The following DMD variants were observed in gnomAD, a reference collection of about 807,000 sequenced individuals.
DMD encodes the protein dystrophin.
Under a neutral mutation model 330.1 loss-of-function variants are expected in DMD, and 63 were observed. That is an observed-to-expected ratio of 0.19 (90% CI 0.16 to 0.24). The LOEUF is 0.24. DMD is among the 10% of genes least tolerant of loss of function. The pLI is 1.00. For synonymous variants in DMD, 1,223 were observed against 959.8 expected (o/e 1.27, Z -5.07); for missense variants, 3,344 against 2,684.1 (o/e 1.25, Z -5.43).
chrX:33,089,749 T>C (rs1315336450), intron 1 of DMD, among the ~76,000 whole-genome samples: 2 of 111,348 alleles, frequency 1.8e-5, no homozygotes, highest in African/African-American at 6.5e-5. Flanking sequence ...TTATTATTCT[T>C]CACGGTAAGA....
chrX:31,774,574 A>ATT (rs758192205), intron 50 of DMD, among the ~76,000 whole-genome samples: 1 of 107,973 alleles, frequency 9.3e-6, no homozygotes, highest in African/African-American at 3.4e-5. Context: ...AATTTTACTT[A>ATT]TTTTTTTTTT....
intron 24 of DMD, 137 bp downstream of exon 24, chrX:32,464,449 C>A: frequency 2.0e-6 from 1 of 500,265 alleles, no homozygotes; most frequent in East Asian, 3.8e-5. Flanking sequence ...CTGTGACAAT[C>A]AAAAACGTCT....
intron 47 of DMD, among the ~76,000 whole-genome samples, chrX:31,911,667 G>C (rs2094549068): frequency 2.7e-5 from 3 of 111,652 alleles, no homozygotes. Flanking sequence ...AACACATTTG[G>C]CCAAGTTACT....
At chrX:31,341,478 C>T (rs1601983186) in intron 61 of DMD, among the ~76,000 whole-genome samples, 1 of 112,104 alleles carries the variant, frequency 8.9e-6, no homozygotes, top group African/African-American at 3.2e-5. Flanking sequence ...AGCTTTTACT[C>T]TTAACCGCTA....
rs189330093 is a variant in DMD, at chrX:32,612,258, G to T, written c.1482+2045C>A. On this transcript the variant is annotated intron_variant, in intron 12 of 78. Coordinates refer to ENST00000357033, the MANE Select transcript of DMD (RefSeq NM_004006.3). Reference sequence around the variant, plus strand: ...CTCTATCAACTTTTACTCCTCATTGGCTAAGGGCAGCTCTGGTGGCACTAA... The same window carrying T: ...CTCTATCAACTTTTACTCCTCATTGTCTAAGGGCAGCTCTGGTGGCACTAA... Among the ~76,000 whole-genome samples, 17 of 110,665 alleles carry T rather than the reference G, an allele frequency of 1.5e-4. 1 individual carries two copies. The East Asian group carries it at 4.9e-3, about 32-fold the overall frequency.
At chrX:32,977,797 C>T (rs2092596749) in intron 2 of DMD, among the ~76,000 whole-genome samples, 1 of 110,882 alleles carries the variant, frequency 9.0e-6, no homozygotes, top group Non-Finnish European at 1.9e-5. Context: ...TTAATTGGAA[C>T]AAGACTAGTA....
At chrX:31,638,677 T>C (rs781694637) in intron 54 of DMD, among the ~76,000 whole-genome samples, 2 of 112,720 alleles carry the variant, frequency 1.8e-5, no homozygotes, top group Non-Finnish European at 3.7e-5. Flanking sequence ...CTCAATAATT[T>C]AGACAATAGG....
chrX:32,064,526 G>A (rs905668602), intron 44 of DMD, among the ~76,000 whole-genome samples: 3 of 111,311 alleles, frequency 2.7e-5, no homozygotes. Flanking sequence ...AGTAAATTAC[G>A]AAAGTATGAG....
chrX:32,827,056 A>ACCCCCCCCC (rs1174768674), intron 4 of DMD, among the ~76,000 whole-genome samples: 1 of 59,903 alleles, frequency 1.7e-5, no homozygotes, highest in African/African-American at 8.0e-5. Flanking sequence ...CACACATCGC[A>ACCCCCCCCC]CCCCCCCCCC....
chrX:33,266,731 C>T (rs943460501), intron 1 of DMD, among the ~76,000 whole-genome samples: 38 of 111,386 alleles, frequency 3.4e-4, no homozygotes, highest in African/African-American at 1.2e-3. Flanking sequence ...ATAAACAAGA[C>T]GCTAAGCATA....
intron 7 of DMD, among the ~76,000 whole-genome samples, chrX:32,743,838 G>A (rs1383269903): frequency 3.6e-5 from 4 of 111,316 alleles, no homozygotes; most frequent in African/African-American, 1.3e-4. Flanking sequence ...TTGAGTGATG[G>A]GTGGTTAGTC....
At chrX:33,323,473 C>A in intron 1 of DMD, among the ~76,000 whole-genome samples, 1 of 111,578 alleles carries the variant, frequency 9.0e-6, no homozygotes, top group East Asian at 2.8e-4. Flanking sequence ...TTTTCTACAG[C>A]TGTGTCTATG....
intron 44 of DMD, among the ~76,000 whole-genome samples, chrX:32,033,648 A>G (rs201737093): frequency 3.6e-5 from 1 of 27,829 alleles, no homozygotes; most frequent in Non-Finnish European, 5.4e-5. Context: ...AAAGAAAGAA[A>G]GAAAGAAGAA....
intron 55 of DMD, chrX:31,508,260 C>T: frequency 8.3e-7 from 1 of 1,205,027 alleles, no homozygotes. Context: ...CCGGGCACTA[C>T]AGCACTGATC....
intron 4 of DMD, among the ~76,000 whole-genome samples, chrX:32,843,896 G>T (rs754495640): frequency 9.0e-6 from 1 of 111,686 alleles, no homozygotes; most frequent in African/African-American, 3.3e-5. Flanking sequence ...TGCAACACAC[G>T]TATTTTAATC....
intron 7 of DMD, among the ~76,000 whole-genome samples, chrX:32,757,691 A>G (rs755577353): frequency 5.4e-5 from 6 of 111,619 alleles, no homozygotes; most frequent in Non-Finnish European, 1.1e-4. Flanking sequence ...GCCCTCCACC[A>G]TGATTGTGAG....
rs761402852 is a variant in DMD at position 32,768,365 on chromosome X, G to A, written c.649+41128C>T. 4.7e-4 allele frequency among the ~76,000 whole-genome samples: 52 copies of A among 111,492 alleles called. 2 individuals are homozygous for A. Among genetic ancestry groups the A allele is most frequent in the African/African-American group, 1.4e-3 (44 of 30,701 alleles). Reference sequence around the variant, plus strand: ...ATGAAAAACAAAATTGCTTTATACCGTTAGATATTTCTGATACAATCTTTG... The same window carrying A: ...ATGAAAAACAAAATTGCTTTATACCATTAGATATTTCTGATACAATCTTTG... On this transcript the variant is annotated intron_variant, in intron 7 of 78. Transcript: ENST00000357033.
chrX:31,294,868 G>A (rs932051049), intron 62 of DMD, among the ~76,000 whole-genome samples: 6 of 112,351 alleles, frequency 5.3e-5, no homozygotes, highest in South Asian at 3.7e-4. Context: ...GCTCAGAGAC[G>A]TAGTGTTGAT....
intron 2 of DMD, among the ~76,000 whole-genome samples, chrX:32,913,654 T>C (rs1028465226): frequency 9.0e-6 from 1 of 111,517 alleles, no homozygotes; most frequent in African/African-American, 3.3e-5. Flanking sequence ...TGATCAGCCC[T>C]GTAATGGAGA....
Sources: gnomAD v4.1 joint callset for allele counts (sites outside exome capture counted in the v4.1 genomes callset) on GRCh38, gnomAD v4.1.1 for gene constraint, MANE v1.5 for transcripts, NCBI Gene and HGNC (gene_info 2026-07-23, HGNC 2026-07-21) for gene names.